Variants in DOCK2 observed in about 807,000 individuals in gnomAD.
The protein encoded by DOCK2 is dedicator of cytokinesis protein 2.
In DOCK2, 87 loss-of-function variants were observed where a neutral mutation model predicts 248.9. The ratio of observed to expected loss-of-function variants is 0.35; its 90% CI spans 0.29 to 0.42. The LOEUF (loss-of-function observed/expected upper bound fraction) is 0.42, where lower values mean the gene tolerates loss of function less well. Among genes scored for constraint, DOCK2 ranks in the 10% least tolerant of loss-of-function variants. The pLI is 1.00. For missense variants in DOCK2, 1,747 were observed against 2,300.2 expected (o/e 0.76, Z 4.92); for synonymous variants, 805 against 821.6 (o/e 0.98, Z 0.35).
intron 25 of DOCK2, among the ~76,000 whole-genome samples, chr5:169,787,864 G>T (rs1488278151): frequency 6.9e-6 from 1 of 145,554 alleles, no homozygotes; most frequent in African/African-American, 2.6e-5. Context: ...TTTTATCATG[G>T]TCTTCATGAG....
At chr5:169,737,037 T>A (rs1763073538) in intron 22 of DOCK2, among the ~76,000 whole-genome samples, 1 of 152,154 alleles carries the variant, frequency 6.6e-6, no homozygotes. Flanking sequence ...GATAATCATG[T>A]GGGTGCATGT....
chr5:169,972,107 T>G (rs998107200), intron 27 of DOCK2, among the ~76,000 whole-genome samples: 2 of 152,216 alleles, frequency 1.3e-5, no homozygotes, highest in African/African-American at 4.8e-5. Flanking sequence ...TAAAATAAAA[T>G]GTATTTTCTA....
chr5:170,057,088 A>G (rs1757157918), intron 43 of DOCK2: 2 of 372,146 alleles, frequency 5.4e-6, no homozygotes, highest in South Asian at 5.9e-5. Context: ...CCTTCCAGCA[A>G]ACACCAGTAA....
At chr5:169,979,189 A>G (rs963330299) in intron 27 of DOCK2, among the ~76,000 whole-genome samples, 87 of 152,286 alleles carry the variant, frequency 5.7e-4, no homozygotes, top group African/African-American at 1.9e-3. Context: ...AGGCTTTTCC[A>G]GGTTTCTGAC....
chr5:169,742,673 A>G (rs1763380666), intron 22 of DOCK2, among the ~76,000 whole-genome samples: 1 of 152,232 alleles, frequency 6.6e-6, no homozygotes, highest in African/African-American at 2.4e-5. Flanking sequence ...CTGGGATGCT[A>G]GCCTGAGGTT....
chr5:170,060,292 TA>T (rs1757284535), intron 44 of DOCK2, among the ~76,000 whole-genome samples: 1 of 152,196 alleles, frequency 6.6e-6, no homozygotes, highest in Admixed American at 6.5e-5. Context: ...GTCTTAGTTT[TA>T]ATCATCTGTA....
At chr5:169,757,043 G>T (rs1284760329) in intron 23 of DOCK2, among the ~76,000 whole-genome samples, 1 of 152,088 alleles carries the variant, frequency 6.6e-6, no homozygotes, top group Admixed American at 6.6e-5. Flanking sequence ...GAGAAATGCA[G>T]CCTGCATTTG....
At chr5:169,772,019 C>A (rs1389584741) in intron 25 of DOCK2, among the ~76,000 whole-genome samples, 2 of 152,152 alleles carry the variant, frequency 1.3e-5, no homozygotes, top group Non-Finnish European at 2.9e-5. Context: ...TTTCTCCATG[C>A]CAGTGTCATT....
chr5:169,871,816 C>A (rs981413764), intron 27 of DOCK2, among the ~76,000 whole-genome samples: 1 of 152,220 alleles, frequency 6.6e-6, no homozygotes, highest in Non-Finnish European at 1.5e-5. Flanking sequence ...TATGGACCAG[C>A]TGACCAGTCC....
chr5:169,915,614 G>A (rs1472489273), intron 27 of DOCK2, among the ~76,000 whole-genome samples: 3 of 151,574 alleles, frequency 2.0e-5, no homozygotes, highest in Non-Finnish European at 4.4e-5. Context: ...AGGGAGGGAG[G>A]GGAGAGAGAG....
chr5:169,990,858 G>A (rs569347432), intron 29 of DOCK2, among the ~76,000 whole-genome samples: 2 of 152,322 alleles, frequency 1.3e-5, no homozygotes, highest in East Asian at 3.9e-4. Flanking sequence ...CTGTGGGCAT[G>A]GTCCACGCTG....
intron 27 of DOCK2, among the ~76,000 whole-genome samples, chr5:169,847,989 G>A (rs906349363): frequency 3.3e-5 from 5 of 152,138 alleles, no homozygotes; most frequent in Admixed American, 2.0e-4. Context: ...AAGCAGAAGA[G>A]TAATGGAAAA....
chr5:169,811,181 G>A (rs989128159), intron 26 of DOCK2, among the ~76,000 whole-genome samples: 3 of 152,168 alleles, frequency 2.0e-5, no homozygotes, highest in Admixed American at 6.6e-5. Flanking sequence ...CCTGACCTGC[G>A]TGTGGGAAAG....
chr5:170,063,003 T>C (rs7731587), intron 44 of DOCK2, among the ~76,000 whole-genome samples: 37,078 of 152,008 alleles, frequency 0.24, 5,123 homozygotes, highest in African/African-American at 0.37. Context: ...TTTATTAATC[T>C]CTCCTGGAAG....
At chr5:169,925,559 G>A (rs558755548) in intron 27 of DOCK2, among the ~76,000 whole-genome samples, 8 of 127,396 alleles carry the variant, frequency 6.3e-5, no homozygotes, top group East Asian at 5.2e-4. Flanking sequence ...CAGCCTGGGC[G>A]ACAGAGCAAG....
intron 14 of DOCK2, among the ~76,000 whole-genome samples, chr5:169,705,117 G>A (rs149484901): frequency 0.022 from 3,349 of 152,034 alleles, 57 homozygotes; most frequent in Middle Eastern, 0.041. Context: ...AGCTGAGATC[G>A]CACCCCAGCC....
chr5:169,955,599 C>T (rs1363169549), intron 27 of DOCK2, among the ~76,000 whole-genome samples: 2 of 152,124 alleles, frequency 1.3e-5, no homozygotes, highest in African/African-American at 4.8e-5. Context: ...TCCACCTGGT[C>T]CTTAAGGTTC....
chr5:169,682,114 C>A (rs1294624144), intron 7 of DOCK2, among the ~76,000 whole-genome samples: 2 of 152,136 alleles, frequency 1.3e-5, no homozygotes, highest in Non-Finnish European at 2.9e-5. Context: ...TCTCTTGGAG[C>A]TTGTAGATTC....
chr5:169,903,231 C>T (rs1172671897), intron 27 of DOCK2, among the ~76,000 whole-genome samples: 1 of 149,286 alleles, frequency 6.7e-6, no homozygotes, highest in East Asian at 2.0e-4. Context: ...GAGCTATGAT[C>T]GCACCTATTA....
Sources: allele counts gnomAD v4.1 joint callset (sites outside exome capture counted in the v4.1 genomes callset), GRCh38; gene constraint gnomAD v4.1.1; transcripts MANE v1.5; gene names NCBI Gene and HGNC (gene_info 2026-07-23, HGNC 2026-07-21).